The following MTMR10 variants were observed in gnomAD, a reference collection of about 807,000 sequenced individuals.
The protein encoded by MTMR10 is myotubularin-related protein 10.
In MTMR10, 56 loss-of-function variants were observed where a neutral mutation model predicts 88.1. The observed-to-expected ratio is 0.64, with a 90% confidence interval of 0.51 to 0.79. The LOEUF (loss-of-function observed/expected upper bound fraction) is 0.79. Ranked by LOEUF, MTMR10 falls within the 30% of genes least tolerant of loss-of-function variation. MTMR10 has a pLI of 0.00. For synonymous variants in MTMR10, 380 were observed against 340.9 expected, an observed-to-expected ratio of 1.11 and a Z score of -1.26; for missense variants, 883 against 924.7, an observed-to-expected ratio of 0.95 and a Z score of 0.58.
intron 2 of MTMR10, 23 bp downstream of exon 2, chr15:30,990,754 T>A (rs754844186): frequency 6.3e-6 from 10 of 1,597,618 alleles, no homozygotes; most frequent in Non-Finnish European, 7.7e-6. Flanking sequence ...AAAGTATCTG[T>A]TAGAATCCTA....
At chr15:30,974,244 C>T (rs1438309825) in intron 5 of MTMR10, 70 bp downstream of exon 5, 17 of 1,282,574 alleles carry the variant, frequency 1.3e-5, no homozygotes, top group African/African-American at 1.5e-5. Flanking sequence ...GAAATGAAAA[C>T]TGCCATACGG....
chr15:30,939,603 G>T lies in MTMR10; in HGVS notation c.*1867C>A. On this transcript the variant is annotated 3_prime_UTR_variant, in exon 16 of 16. Coordinates refer to ENST00000435680, the MANE Select transcript of MTMR10 (RefSeq NM_017762.3). ...TTTCTATTTTTAACCATTATTAATA[G>T]TACCTAATATTTTTAAACTTGTAAA... The T allele has an allele frequency of 1.1e-6, 1 of 928,466 alleles. No homozygotes were observed. Among genetic ancestry groups the T allele is most frequent in the Non-Finnish European group, 1.3e-6 (1 of 778,320 alleles). 57.5% of individuals were successfully genotyped at this position (928,466 alleles called of 1,614,324 possible).
intron 6 of MTMR10, among the ~76,000 whole-genome samples, chr15:30,967,384 C>T (rs1402233604): frequency 6.6e-6 from 1 of 152,152 alleles, no homozygotes. Flanking sequence ...TTTACTTTCA[C>T]AAAAGCTGTC....
At chr15:30,922,411 A>T in the MTMR10 span, 1 of 1,530,384 alleles carries the variant, frequency 6.5e-7, no homozygotes, top group Non-Finnish European at 8.8e-7. Flanking sequence ...CAACTTTTAA[A>T]ATATGGCAAA....
the MTMR10 span, chr15:30,929,383 C>A: frequency 1.2e-6 from 2 of 1,603,020 alleles, no homozygotes; most frequent in East Asian, 4.5e-5. Flanking sequence ...CTTCACGTCT[C>A]TTCAGCAAGC....
intron 9 of MTMR10, among the ~76,000 whole-genome samples, chr15:30,957,269 G>A (rs58522856): frequency 0.024 from 3,611 of 152,216 alleles, 138 homozygotes; most frequent in African/African-American, 0.083. Flanking sequence ...GAGTAAAAAC[G>A]ACAGGCGGTA....
At chr15:30,950,852 C>G (rs1386362776) in intron 12 of MTMR10, among the ~76,000 whole-genome samples, 2 of 152,142 alleles carry the variant, frequency 1.3e-5, no homozygotes, top group East Asian at 3.8e-4. Context: ...TGCATATAAC[C>G]TATGCACATC....
Position 30,954,838 on chromosome 15 carries a change from C to A in MTMR10, c.991G>T (p.Asp331Tyr). ...HPQRSDVYKSDLDKTLPNIQE... is the reference protein window; with the variant it reads ...HPQRSDVYKSYLDKTLPNIQE... Reference sequence around the variant, plus strand: ...ATATTAGGCAAGGTCTTATCCAAATCTGATTTGTAAACATCACTTCTCTGT... The same window carrying A: ...ATATTAGGCAAGGTCTTATCCAAATATGATTTGTAAACATCACTTCTCTGT... The change falls in exon 10 of 16, where the codon GAT (aspartate) becomes TAT (tyrosine). Residue 331 changes from aspartate (D) to tyrosine (Y), a missense_variant. Transcript: ENST00000435680. 6.3e-7 allele frequency: 1 copy of A among 1,585,732 alleles called. No individual in the cohort carries two copies. Among genetic ancestry groups the A allele is most frequent in the East Asian group, 2.3e-5 (1 of 43,966 alleles).
the MTMR10 span, chr15:30,925,106 T>C: frequency 6.3e-7 from 1 of 1,594,746 alleles, no homozygotes; most frequent in Non-Finnish European, 8.6e-7. Flanking sequence ...GAGCCTGATG[T>C]GTGACCATGC....
chr15:30,944,565 CAAA>C (rs36025105), intron 14 of MTMR10, among the ~76,000 whole-genome samples: 4 of 90,424 alleles, frequency 4.4e-5, no homozygotes, highest in Admixed American at 1.1e-4. Context: ...GACTCTGTCT[CAAA>C]AAAAAAAAAA....
the MTMR10 span, among the ~76,000 whole-genome samples, chr15:30,922,966 C>A: frequency 2.6e-5 from 4 of 152,224 alleles, no homozygotes; most frequent in African/African-American, 9.6e-5. Flanking sequence ...AGAGCCTGTG[C>A]CTGTGGGCTA....
intron 9 of MTMR10, chr15:30,956,155 TTAATG>T (rs2063325102): frequency 6.6e-6 from 1 of 152,232 alleles, no homozygotes; most frequent in Admixed American, 6.5e-5. Context: ...TGTATGGAAT[TTAATG>T]TAGGCATGAA....
rs181128820 is a variant in MTMR10 at position 30,974,847 on chromosome 15, C to A, written c.331+84G>T. The stretch of plus-strand genomic sequence containing the variant: ...AAACTTACAGAAATAAAACGCCAAT[C>A]CAAGTATTTTGAGAGGTATGACTTT... On this transcript the variant is annotated intron_variant, in intron 4 of 15. Coordinates refer to ENST00000435680, the MANE Select transcript of MTMR10 (RefSeq NM_017762.3). 24 of 978,518 alleles carry A rather than the reference C, an allele frequency of 2.5e-5. No individual in the cohort carries two copies. In the Admixed American group the frequency reaches 5.0e-4, roughly 20 times the overall value. 60.6% of individuals were successfully genotyped at this position (978,518 alleles called of 1,614,324 possible).
At chr15:30,987,962 C>A (rs2031060430) in intron 2 of MTMR10, among the ~76,000 whole-genome samples, 1 of 151,632 alleles carries the variant, frequency 6.6e-6, no homozygotes, top group Admixed American at 6.6e-5. Flanking sequence ...TATATAGCCA[C>A]AGGTGATGTG....
At chr15:30,986,439 A>AGAT (rs2030943361) in intron 2 of MTMR10, among the ~76,000 whole-genome samples, 1 of 152,068 alleles carries the variant, frequency 6.6e-6, no homozygotes, top group Non-Finnish European at 1.5e-5. Flanking sequence ...GTTCTAGTTT[A>AGAT]GATTCCAAAC....
At chr15:30,954,478 G>A (rs779513972) in intron 10 of MTMR10, among the ~76,000 whole-genome samples, 4 of 152,132 alleles carry the variant, frequency 2.6e-5, no homozygotes, top group Non-Finnish European at 5.9e-5. Context: ...GTAATACAGT[G>A]TTCTACTCAG....
At chr15:30,935,701 T>C (rs1417149619), downstream of MTMR10, among the ~76,000 whole-genome samples, 1 of 152,224 alleles carries the variant, frequency 6.6e-6, no homozygotes, top group African/African-American at 2.4e-5. Flanking sequence ...GTTTTGTATG[T>C]CTTAGCCTTT....
intron 2 of MTMR10, among the ~76,000 whole-genome samples, chr15:30,978,061 T>C (rs1175959215): frequency 1.3e-5 from 2 of 152,170 alleles, no homozygotes; most frequent in African/African-American, 2.4e-5. Context: ...CTGCCCACAG[T>C]GGTGGCCTAT....
At chr15:30,933,506 C>G in the MTMR10 span, among the ~76,000 whole-genome samples, 2 of 152,018 alleles carry the variant, frequency 1.3e-5, no homozygotes, top group Admixed American at 1.3e-4. Context: ...GATTTGAATC[C>G]CACTAAATTT....
Sources: allele counts gnomAD v4.1 joint callset (sites outside exome capture counted in the v4.1 genomes callset), GRCh38; gene constraint gnomAD v4.1.1; transcripts MANE v1.5; gene names NCBI Gene and HGNC (gene_info 2026-07-23, HGNC 2026-07-21).